The following KCNIP1 variants were observed in gnomAD, a reference collection of about 807,000 sequenced individuals.
KCNIP1 encodes A-type potassium channel modulatory protein KCNIP1.
KCNIP1 carries 18 observed loss-of-function variants against 33.0 expected under a neutral mutation model. That is an observed-to-expected ratio of 0.55 (90% CI 0.38 to 0.81). The LOEUF is 0.81. Ranked by LOEUF, KCNIP1 falls within the 30% of genes least tolerant of loss-of-function variation. The pLI is 0.00. For synonymous variants in KCNIP1, 93 were observed against 98.3 expected (o/e 0.95, Z 0.32); for missense variants, 238 against 271.6 (o/e 0.88, Z 0.87).
rs1554103000 is a variant in KCNIP1 at position 170,589,794 on chromosome 5, T to TGCGGTGCGGTGCGGTGCGGTGCG, written c.61+85162_61+85163insCGGTGCGGTGCGGTGCGGTGCGG. On this transcript the variant is annotated intron_variant, in intron 1 of 7. Transcript: ENST00000328939. Reference sequence around the variant, plus strand: ...TGTGGTGTGGTGTGATGTGATGTGGTGTGCGGTGCGGTGCGGTGCGGTGTG... The same window carrying TGCGGTGCGGTGCGGTGCGGTGCG: ...TGTGGTGTGGTGTGATGTGATGTGGTGCGGTGCGGTGCGGTGCGGTGCGGTGCGGTGCGGTGCGGTGCGGTGTG... Among the ~76,000 whole-genome samples, 32 of 113,244 alleles carry TGCGGTGCGGTGCGGTGCGGTGCG rather than the reference T, an allele frequency of 2.8e-4. 1 individual carries two copies. In the East Asian group the frequency reaches 3.8e-3, roughly 14 times the overall value. 74.3% of individuals were successfully genotyped at this position (113,244 alleles called of 152,430 possible).
rs141816395 is a variant in KCNIP1 at position 170,444,780 on chromosome 5, A to T, written c.88+90816A>T. 4.6e-3 allele frequency among the ~76,000 whole-genome samples: 700 copies of T among 151,836 alleles called. 5 individuals are homozygous for T. Among genetic ancestry groups the T allele is most frequent in the South Asian group, 0.021 (102 of 4,806 alleles). On this transcript the variant is annotated intron_variant, in intron 1 of 7. Transcript: ENST00000377360. ...AAGTACCTGAGAAGATCTGCGGGCA[A>T]GGATAGTTATGTGATTATCTGGACA...
At chr5:170,588,203 G>A (rs976166376) in intron 1 of KCNIP1, among the ~76,000 whole-genome samples, 3 of 152,116 alleles carry the variant, frequency 2.0e-5, no homozygotes, top group East Asian at 1.9e-4. Context: ...GCACTTTCTC[G>A]GATGGACAAT....
intron 1 of KCNIP1, among the ~76,000 whole-genome samples, chr5:170,443,833 C>A (rs906499140): frequency 2.6e-5 from 4 of 152,274 alleles, no homozygotes; most frequent in Admixed American, 6.5e-5. Flanking sequence ...GGGGTGCCCA[C>A]AGGCATGTGC....
chr5:170,685,679 T>C (rs2113804395), intron 1 of KCNIP1, among the ~76,000 whole-genome samples: 1 of 152,130 alleles, frequency 6.6e-6, no homozygotes, highest in African/African-American at 2.4e-5. Flanking sequence ...AGTTGAGACA[T>C]GGCTTCCCCA....
chr5:170,709,228 G>A (rs746567908), intron 1 of KCNIP1, among the ~76,000 whole-genome samples: 1 of 152,290 alleles, frequency 6.6e-6, no homozygotes, highest in East Asian at 1.9e-4. Context: ...TTTATCAGCT[G>A]CTGAAAGAGG....
intron 1 of KCNIP1, among the ~76,000 whole-genome samples, chr5:170,550,593 G>A (rs1581311872): frequency 6.6e-6 from 1 of 151,322 alleles, no homozygotes; most frequent in South Asian, 2.1e-4. Context: ...TGATGGCAAT[G>A]ATGATGATGA....
intron 1 of KCNIP1, chr5:170,486,063 T>G (rs915948709): frequency 6.6e-6 from 1 of 152,466 alleles, no homozygotes; most frequent in Non-Finnish European, 1.5e-5. Context: ...TCTTTTTGCT[T>G]CATTTTTCTT....
At chr5:170,469,723 CAAAG>C (rs1756681593) in intron 1 of KCNIP1, among the ~76,000 whole-genome samples, 1 of 152,222 alleles carries the variant, frequency 6.6e-6, no homozygotes, top group African/African-American at 2.4e-5. Context: ...TGCTGCATTG[CAAAG>C]CCACCTTTAT....
chr5:170,731,603 G>T (rs183783081), intron 5 of KCNIP1, among the ~76,000 whole-genome samples: 2 of 151,684 alleles, frequency 1.3e-5, no homozygotes, highest in African/African-American at 2.4e-5. Flanking sequence ...GCTGAGGCGG[G>T]AGGATCACTT....
intron 1 of KCNIP1, chr5:170,374,970 C>T (rs893766494): frequency 6.6e-6 from 1 of 152,144 alleles, no homozygotes; most frequent in Non-Finnish European, 1.5e-5. Flanking sequence ...AGGAACATGG[C>T]CTTTTCCCCT....
chr5:170,731,892 A>T (rs1318293409), intron 5 of KCNIP1, among the ~76,000 whole-genome samples: 1 of 27,258 alleles, frequency 3.7e-5, no homozygotes, highest in Non-Finnish European at 7.5e-5. Context: ...AAAAAAAAAA[A>T]AAAAAAAAAA....
chr5:170,711,018 G>C (rs329474), intron 1 of KCNIP1, among the ~76,000 whole-genome samples: 37,718 of 152,170 alleles, frequency 0.25, 4,777 homozygotes, highest in South Asian at 0.32. Context: ...GGTACATGCT[G>C]TATGTGCTAA....
intron 1 of KCNIP1, among the ~76,000 whole-genome samples, chr5:170,589,869 C>G (rs916804370): frequency 5.3e-5 from 8 of 151,682 alleles, no homozygotes; most frequent in African/African-American, 1.9e-4. Context: ...CCTTCCAGGC[C>G]AGTCCTGAAG....
rs1754604352 is a variant in KCNIP1 at position 170,504,174 on chromosome 5, G to A, written c.-399G>A. Reference sequence around the variant, plus strand: ...GGGAGGGGAGCCGAGTGTGCGGCAGGAGGGGCGGGCGGACGGCGGCTCCCG... The same window carrying A: ...GGGAGGGGAGCCGAGTGTGCGGCAGAAGGGGCGGGCGGACGGCGGCTCCCG... On this transcript the variant is annotated 5_prime_UTR_variant, in exon 1 of 8. Coordinates refer to ENST00000328939, the MANE Select transcript of KCNIP1 (RefSeq NM_014592.4). The surrounding 1 kb of genome is among the most constrained non-coding windows in gnomAD (Gnocchi z 6.0). The A allele has an allele frequency of 9.9e-7, 1 of 1,011,750 alleles. No homozygotes were observed. The highest frequency in any genetic ancestry group is 1.2e-6 in the Non-Finnish European group (1 of 848,032). The allele number at this position is 1,011,750 out of a possible 1,614,324, so 62.7% of individuals were successfully genotyped here.
intron 1 of KCNIP1, among the ~76,000 whole-genome samples, chr5:170,388,512 T>C (rs750744630): frequency 2.6e-5 from 4 of 152,248 alleles, no homozygotes; most frequent in Non-Finnish European, 5.9e-5. Flanking sequence ...CCAGGATATA[T>C]CTTCCCATTT....
In KCNIP1 at chr5:170,508,107, T is replaced by C. The variant is rs557684981; in HGVS notation, c.61+3474T>C. 2.0e-5 allele frequency among the ~76,000 whole-genome samples: 3 copies of C among 152,284 alleles called. No homozygotes were observed. The East Asian group carries it at 5.8e-4, about 29-fold the overall frequency. The stretch of plus-strand genomic sequence containing the variant: ...CAGGAGAATTTAGGGACAACATCAC[T>C]AGACCAAGGCCATCTCAACAGAGAA... On this transcript the variant is annotated intron_variant, in intron 1 of 7. Transcript: ENST00000328939.
chr5:170,569,143 G>C (rs1412811406), intron 1 of KCNIP1, among the ~76,000 whole-genome samples: 1 of 152,222 alleles, frequency 6.6e-6, no homozygotes, highest in African/African-American at 2.4e-5. Flanking sequence ...GGGTCCTGGG[G>C]TGATCTCAGA....
intron 1 of KCNIP1, among the ~76,000 whole-genome samples, chr5:170,624,698 G>T (rs1759746118): frequency 7.3e-6 from 1 of 137,456 alleles, no homozygotes; most frequent in Non-Finnish European, 1.6e-5. Flanking sequence ...GGAGAGGAGA[G>T]GGGAGGGGAG....
At chr5:170,630,386 A>G (rs766447979) in intron 1 of KCNIP1, among the ~76,000 whole-genome samples, 1 of 152,234 alleles carries the variant, frequency 6.6e-6, no homozygotes, top group Non-Finnish European at 1.5e-5. Flanking sequence ...AACAAGAGCA[A>G]TGAACTCAAT....
Sources: allele counts gnomAD v4.1 joint callset (sites outside exome capture counted in the v4.1 genomes callset), GRCh38; gene constraint gnomAD v4.1.1; non-coding constraint Gnocchi (gnomAD v3.1); transcripts MANE v1.5; gene names NCBI Gene and HGNC (gene_info 2026-07-23, HGNC 2026-07-21).